The following NF2 variants were observed in gnomAD, a reference collection of about 807,000 sequenced individuals.
The protein encoded by NF2 is merlin.
NF2 carries 8 observed loss-of-function variants against 83.7 expected under a neutral mutation model. That is an observed-to-expected ratio of 0.10 (90% confidence interval 0.06 to 0.17). The LOEUF (loss-of-function observed/expected upper bound fraction) is 0.17. Among genes scored for constraint, NF2 ranks in the 10% least tolerant of loss-of-function variants. NF2 has a pLI of 1.00. For synonymous variants in NF2, 266 were observed against 269.6 expected (o/e 0.99, Z 0.13); for missense variants, 533 against 744.4 (o/e 0.72, Z 3.31).
At chr22:29,631,512 G>C (rs2065511743) in intron 1 of NF2, among the ~76,000 whole-genome samples, 1 of 152,144 alleles carries the variant, frequency 6.6e-6, no homozygotes, top group Non-Finnish European at 1.5e-5. Flanking sequence ...TTTTTCTCCT[G>C]TTTTGAGCAC....
At chr22:29,650,334 G>C (rs565271309) in intron 4 of NF2, among the ~76,000 whole-genome samples, 1 of 152,176 alleles carries the variant, frequency 6.6e-6, no homozygotes, top group Non-Finnish European at 1.5e-5. Context: ...ACATTCTTGC[G>C]AACAGTAGAT....
chr22:29,628,061 T>C (rs1258434544), intron 1 of NF2, among the ~76,000 whole-genome samples: 1 of 151,994 alleles, frequency 6.6e-6, no homozygotes, highest in East Asian at 1.9e-4. Context: ...ATCAACATCG[T>C]CAACCAACCA....
Position 29,668,376 on chromosome 22 carries a change from G to C in NF2, c.929G>C (p.Arg310Thr). ...CIGNHDLFMRRRKADSLEVQQ... is the reference protein window; with the variant it reads ...CIGNHDLFMRTRKADSLEVQQ... ...GGGAACCATGATCTATTTATGAGGA[G>C]AAGGAAAGCCGATTCTTTGGAAGTT... The change falls in exon 10 of 16, where the codon AGA becomes ACA. Residue 310 changes from arginine to threonine, a missense_variant. Arg to Thr is a moderately conservative substitution (Grantham distance 71). This residue lies in a region of NF2 where 326 missense variants were observed against 475.1 expected (regional missense o/e 0.69). Transcript: ENST00000338641. 1 of 1,613,974 alleles carries C rather than the reference G, an allele frequency of 6.2e-7. No individual in the cohort carries two copies. Among genetic ancestry groups the C allele is most frequent in the Non-Finnish European group, 8.5e-7 (1 of 1,179,872 alleles).
intron 15 of NF2, among the ~76,000 whole-genome samples, chr22:29,686,394 C>T (rs1249743162): frequency 1.3e-5 from 2 of 152,242 alleles, no homozygotes; most frequent in African/African-American, 2.4e-5. Flanking sequence ...AATCCCAGCA[C>T]GTTGGGAGGC....
chr22:29,603,971 C>T lies in NF2; in HGVS notation c.-28C>T, dbSNP rs763602804. 1.5e-5 allele frequency: 23 copies of T among 1,524,650 alleles called. No homozygotes were observed. Among genetic ancestry groups the T allele is most frequent in the Non-Finnish European group, 2.0e-5 (23 of 1,122,426 alleles). 94.4% of individuals were successfully genotyped at this position (1,524,650 alleles called of 1,614,324 possible). ...GGCTCAGAGTGCAGGCCGTGGGGCG[C>T]GAGGGTCCCGGGCCTGAGCCCCGCG... On this transcript the variant is annotated 5_prime_UTR_variant, in exon 1 of 16. Coordinates refer to ENST00000338641, the MANE Select transcript of NF2 (RefSeq NM_000268.4).
intron 4 of NF2, among the ~76,000 whole-genome samples, chr22:29,650,192 C>T: frequency 6.6e-6 from 1 of 152,218 alleles, no homozygotes; most frequent in East Asian, 1.9e-4. Flanking sequence ...CTGAATTGTA[C>T]ACTTAATGTA....
At chr22:29,675,198 T>C (rs1180501310) in intron 13 of NF2, among the ~76,000 whole-genome samples, 1 of 152,254 alleles carries the variant, frequency 6.6e-6, no homozygotes, top group African/African-American at 2.4e-5. Context: ...GGAATGTTTT[T>C]CTTTTTCTAA....
intron 6 of NF2, among the ~76,000 whole-genome samples, chr22:29,657,030 A>T (rs2066333103): frequency 1.3e-5 from 2 of 150,790 alleles, no homozygotes; most frequent in South Asian, 2.1e-4. Flanking sequence ...TTTTTTTTTT[A>T]AACTTAAGTG....
chr22:29,683,993 G>T (rs2067213501), intron 15 of NF2: 11 of 911,500 alleles, frequency 1.2e-5, no homozygotes, highest in Non-Finnish European at 1.3e-5. Flanking sequence ...GTGTCCTTTG[G>T]AGTCTTCCCT....
At chr22:29,627,304 G>A (rs749716411) in intron 1 of NF2, among the ~76,000 whole-genome samples, 1 of 152,136 alleles carries the variant, frequency 6.6e-6, no homozygotes, top group Non-Finnish European at 1.5e-5. Context: ...CCAGCACAGC[G>A]GGTTTGGGTG....
intron 8 of NF2, among the ~76,000 whole-genome samples, chr22:29,664,766 C>T (rs1324105568): frequency 1.3e-5 from 2 of 152,190 alleles, no homozygotes; most frequent in Non-Finnish European, 1.5e-5. Context: ...ACACTCATGC[C>T]TAAGATGGTC....
intron 15 of NF2, chr22:29,683,293 G>T (rs1419880816): frequency 4.8e-6 from 7 of 1,444,508 alleles, no homozygotes; most frequent in Non-Finnish European, 5.4e-6. Flanking sequence ...CGAAGAGCAT[G>T]TCATGGGGCT....
At chr22:29,680,636 G>A (rs778895458) in intron 14 of NF2, among the ~76,000 whole-genome samples, 36 of 152,206 alleles carry the variant, frequency 2.4e-4, no homozygotes, top group Non-Finnish European at 3.2e-4. Flanking sequence ...AGTGTTATCT[G>A]TTCTCAGGTG....
intron 1 of NF2, among the ~76,000 whole-genome samples, chr22:29,622,724 C>T (rs1308564444): frequency 7.9e-6 from 1 of 126,938 alleles, no homozygotes; most frequent in East Asian, 2.7e-4. Context: ...GGCGTGATCT[C>T]TGCTCACTGC....
chr22:29,658,310 G>C (rs2066375857), intron 7 of NF2, 46 bp downstream of exon 7: 1 of 1,515,690 alleles, frequency 6.6e-7, no homozygotes, highest in African/African-American at 1.4e-5. Context: ...GACAGAGACT[G>C]AGTGAGGGCC....
At position 29,639,075 on chromosome 22, in the gene NF2, T is replaced by G; in HGVS notation, c.241-15T>G. ...CCAATATAGTGTGTTTGTCTTTTGC[T>G]CTGCAATTCTGCAGGTACTGGATCA... On this transcript the variant is annotated splice_polypyrimidine_tract_variant and intron_variant, in intron 2 of 15. Transcript: ENST00000338641. 6.2e-7 allele frequency: 1 copy of G among 1,614,246 alleles called. No homozygotes were observed. The highest frequency in any genetic ancestry group is 8.5e-7 in the Non-Finnish European group (1 of 1,180,044).
intron 6 of NF2, 31 bp downstream of exon 6, chr22:29,655,707 C>A: frequency 1.3e-6 from 2 of 1,483,082 alleles, no homozygotes; most frequent in Non-Finnish European, 1.9e-6. Context: ...GTTTACATTC[C>A]TTTATGGGCT....
At chr22:29,612,870 C>T (rs1036548490) in intron 1 of NF2, among the ~76,000 whole-genome samples, 2 of 151,796 alleles carry the variant, frequency 1.3e-5, no homozygotes, top group African/African-American at 2.4e-5. Flanking sequence ...CCGAGGCAGG[C>T]GGATCACCTG....
intron 15 of NF2, chr22:29,683,013 G>C: frequency 6.2e-7 from 1 of 1,614,140 alleles, no homozygotes; most frequent in Non-Finnish European, 8.5e-7. Flanking sequence ...TTATTTTGCT[G>C]GTTTAGCCTC....
Sources: gnomAD v4.1 joint callset for allele counts (sites outside exome capture counted in the v4.1 genomes callset) on GRCh38, gnomAD v4.1.1 for gene constraint, gnomAD v4.1.1 regional missense constraint, MANE v1.5 for transcripts, NCBI Gene and HGNC (gene_info 2026-07-23, HGNC 2026-07-21) for gene names.